Variants in ZNF771 observed in about 807,000 individuals in gnomAD.
The protein encoded by ZNF771 is mesenchymal stem cell protein DSC43.
A neutral mutation model predicts 27.6 loss-of-function variants in ZNF771; 10 were observed. The observed-to-expected ratio is 0.36, with a 90% confidence interval of 0.22 to 0.61. The LOEUF (loss-of-function observed/expected upper bound fraction) is 0.61. Ranked by LOEUF, ZNF771 falls within the 20% of genes least tolerant of loss-of-function variation. The pLI is 0.70. For synonymous variants in ZNF771, 261 were observed against 225.2 expected (o/e 1.16, Z -1.43); for missense variants, 438 against 503.7 (o/e 0.87, Z 1.25).
intron 2 of ZNF771, among the ~76,000 whole-genome samples, chr16:30,415,901 C>T (rs996907011): frequency 1.3e-5 from 2 of 152,092 alleles, no homozygotes; most frequent in Non-Finnish European, 2.9e-5. Context: ...GAGCAATATG[C>T]CCTCAATACT....
At chr16:30,410,165 G>A (rs936440382) in intron 2 of ZNF771, among the ~76,000 whole-genome samples, 1 of 150,722 alleles carries the variant, frequency 6.6e-6, no homozygotes, top group African/African-American at 2.4e-5. Context: ...GTGCAGTGGC[G>A]CAATCTTGGT....
In ZNF771 at chr16:30,418,064, G is replaced by T; in HGVS notation, c.651G>T (p.Ala217=). 2 of 1,463,980 alleles carry T rather than the reference G, an allele frequency of 1.4e-6. No homozygotes were observed. Among genetic ancestry groups the T allele is most frequent in the Non-Finnish European group, 1.8e-6 (2 of 1,116,756 alleles). The allele number at this position is 1,463,980 out of a possible 1,614,324, so 90.7% of individuals were successfully genotyped here. The change falls in exon 3 of 3, where the codon GCG becomes GCT. Residue 217 remains alanine, a synonymous_variant. Transcript: ENST00000319296. ...GCACGCGCTTCGCTCAGAGCTCGGC[G>T]CTGGCCAAGCACCGGCGCGTGCACA... The part of the protein sequence containing the change: ...DCGTRFAQSS[A]LAKHRRVHTG...
intron 2 of ZNF771, among the ~76,000 whole-genome samples, chr16:30,412,816 G>C (rs961057703): frequency 6.6e-6 from 1 of 151,864 alleles, no homozygotes; most frequent in African/African-American, 2.4e-5. Flanking sequence ...AATAAAAAAA[G>C]AATTGCATCA....
intron 1 of ZNF771, 70 bp from the exon 2 acceptor site, chr16:30,407,975 G>C: frequency 8.4e-7 from 1 of 1,184,944 alleles, no homozygotes; most frequent in Non-Finnish European, 1.1e-6. Flanking sequence ...GCTGGGCCAG[G>C]GCCACGGTGG....
intron 2 of ZNF771, among the ~76,000 whole-genome samples, chr16:30,416,675 C>T (rs779186954): frequency 3.0e-4 from 45 of 152,106 alleles, no homozygotes; most frequent in Non-Finnish European, 6.0e-4. Context: ...CCAACTCCTT[C>T]ATTTGGTTTT....
chr16:30,408,678 G>A (rs1308983225), intron 2 of ZNF771, among the ~76,000 whole-genome samples: 1 of 152,160 alleles, frequency 6.6e-6, no homozygotes. Context: ...TTTTACAGAT[G>A]AGGAGACTGA....
intron 1 of ZNF771, 98 bp from the exon 2 acceptor site, chr16:30,407,947 C>A (rs1292402681): frequency 2.3e-6 from 2 of 863,160 alleles, no homozygotes; most frequent in African/African-American, 1.8e-5. Context: ...GCGGGAGAAG[C>A]CACGGCTGCA....
intron 2 of ZNF771, chr16:30,414,351 T>C (rs1445078039): frequency 2.6e-5 from 4 of 152,140 alleles, no homozygotes; most frequent in Non-Finnish European, 1.5e-5. Context: ...CTGTCACATC[T>C]TGGTCACGTG....
intron 2 of ZNF771, among the ~76,000 whole-genome samples, chr16:30,416,250 A>G (rs1477856666): frequency 6.6e-6 from 1 of 151,838 alleles, no homozygotes; most frequent in African/African-American, 2.4e-5. Flanking sequence ...GATCTCATCC[A>G]CTCATTCTCA....
intron 2 of ZNF771, among the ~76,000 whole-genome samples, chr16:30,416,162 T>A (rs2050132874): frequency 6.6e-6 from 1 of 152,170 alleles, no homozygotes; most frequent in Admixed American, 6.6e-5. Flanking sequence ...GCTTCCAGGA[T>A]GCCCCTCTCC....
At position 30,419,207 on chromosome 16, in the gene ZNF771, G is replaced by C. The variant is rs1165135573; in HGVS notation, c.*840G>C. On this transcript the variant is annotated 3_prime_UTR_variant, in exon 3 of 3. Coordinates refer to ENST00000319296, the MANE Select transcript of ZNF771 (RefSeq NM_001142305.2). ...ACCGAGATAGTGCCATTGCACTCCG[G>C]CCTGGGCAACAGAGGAAGACTGCCT... The C allele has an allele frequency of 1.3e-5, 2 of 152,336 alleles. No homozygotes were observed. Among genetic ancestry groups the C allele is most frequent in the African/African-American group, 4.8e-5 (2 of 41,426 alleles). 9.4% of individuals were successfully genotyped at this position (152,336 alleles called of 1,614,324 possible).
Position 30,408,204 on chromosome 16 carries a change from A to G in ZNF771, c.141+10A>G, listed in dbSNP as rs1427044679. ...CATGGACAACAAGGAGGTATGTGTC[A>G]CACACACCCTGGGGCACACTGTCCC... On this transcript the variant is annotated intron_variant, in intron 2 of 2. Coordinates refer to ENST00000319296, the MANE Select transcript of ZNF771 (RefSeq NM_001142305.2). 1 of 1,613,716 alleles carries G rather than the reference A, an allele frequency of 6.2e-7. No homozygotes were observed. The highest frequency in any genetic ancestry group is 8.5e-7 in the Non-Finnish European group (1 of 1,179,748).
At chr16:30,413,012 T>TA (rs1740424448) in intron 2 of ZNF771, among the ~76,000 whole-genome samples, 4 of 152,316 alleles carry the variant, frequency 2.6e-5, no homozygotes, top group Admixed American at 6.5e-5. Context: ...ACAGTACTGG[T>TA]AAAAAGCACT....
At chr16:30,414,820 T>G (rs1396054542) in intron 2 of ZNF771, among the ~76,000 whole-genome samples, 1 of 147,174 alleles carries the variant, frequency 6.8e-6, no homozygotes, top group Non-Finnish European at 1.5e-5. Flanking sequence ...ATTTTTTGTA[T>G]TTTTTTAGTA....
At position 30,408,174 on chromosome 16, in the gene ZNF771, A is replaced by T. The variant is rs767275650; in HGVS notation, c.121A>T (p.Ile41Phe). ...GAAGTATGAGGTGGTGAAACTCAAG[A>T]TCCCCATGGACAACAAGGAGGTATG... ...EEKYEVVKLK[I>F]PMDNKEVPGE... The change falls in exon 2 of 3, where the codon ATC (isoleucine) becomes TTC (phenylalanine). Residue 41 changes from isoleucine to phenylalanine, a missense_variant. Ile to Phe is a conservative substitution (Grantham distance 21, BLOSUM62 0). Coordinates refer to ENST00000319296, the MANE Select transcript of ZNF771 (RefSeq NM_001142305.2). 1.9e-6 allele frequency: 3 copies of T among 1,613,632 alleles called. No individual in the cohort carries two copies. The South Asian group carries it at 3.3e-5, about 18-fold the overall frequency.
Position 30,417,626 on chromosome 16 carries a change from C to T in ZNF771, c.213C>T (p.Ala71=), listed in dbSNP as rs996291918. The T allele has an allele frequency of 1.5e-6, 2 of 1,326,142 alleles. No homozygotes were observed. The highest frequency in any genetic ancestry group is 9.6e-7 in the Non-Finnish European group (1 of 1,042,316). The allele number at this position is 1,326,142 out of a possible 1,614,324, so 82.1% of individuals were successfully genotyped here. Residue 71 remains alanine (A), a synonymous_variant, in exon 3 of 3, where the codon GCC becomes GCT. Coordinates refer to ENST00000319296, the MANE Select transcript of ZNF771 (RefSeq NM_001142305.2). The part of the protein sequence containing the change: ...RPHACPDCGR[A]FARRSTLAKH... ...ACGCGTGCCCCGACTGCGGCCGCGC[C>T]TTCGCGCGCCGCTCCACGCTGGCGA... is the stretch of plus-strand genomic sequence containing the variant.
chr16:30,415,883 T>C (rs1348216255), intron 2 of ZNF771, among the ~76,000 whole-genome samples: 1 of 152,182 alleles, frequency 6.6e-6, no homozygotes, highest in Non-Finnish European at 1.5e-5. Context: ...TTCTCTTTTC[T>C]AGGAAGGGAG....
At chr16:30,410,596 AG>A (rs1292684656) in intron 2 of ZNF771, among the ~76,000 whole-genome samples, 5 of 152,078 alleles carry the variant, frequency 3.3e-5, no homozygotes. Flanking sequence ...AGGGCATTCC[AG>A]GAGGAGGAAA....
chr16:30,418,280 C>T lies in ZNF771; in HGVS notation c.867C>T (p.Cys289=), dbSNP rs1182366496. ...RAHMRRRLYI[C]AGCGRDFKLP... ...ACATGCGGCGCCGCCTGTATATTTG[C>T]GCCGGCTGCGGCAGGGACTTCAAGC... Residue 289 remains cysteine, a synonymous_variant, in exon 3 of 3, where the codon TGC becomes TGT. Coordinates refer to ENST00000319296, the MANE Select transcript of ZNF771 (RefSeq NM_001142305.2). 9.6e-5 allele frequency: 145 copies of T among 1,509,228 alleles called. No individual in the cohort carries two copies. The highest frequency in any genetic ancestry group is 1.2e-4 in the Non-Finnish European group (135 of 1,135,228). 93.5% of individuals were successfully genotyped at this position (1,509,228 alleles called of 1,614,324 possible). A position where few individuals can be genotyped will look rare whatever the true frequency, so the allele number is the denominator to read the frequency against.
Sources: allele counts gnomAD v4.1 joint callset (sites outside exome capture counted in the v4.1 genomes callset), GRCh38; gene constraint gnomAD v4.1.1; transcripts MANE v1.5; gene names NCBI Gene and HGNC (gene_info 2026-07-23, HGNC 2026-07-21).